ITGA8: variants seen among roughly 807,000 people sequenced by gnomAD.
ITGA8 encodes the protein integrin alpha-8.
A neutral mutation model predicts 142.3 loss-of-function variants in ITGA8; 91 were observed. That is an observed-to-expected ratio of 0.64 (90% confidence interval 0.54 to 0.76). ITGA8 has a LOEUF of 0.76. ITGA8 is among the 30% of genes least tolerant of loss of function. The pLI is 0.00. For missense variants in ITGA8, 1,406 were observed against 1,327.7 expected (o/e 1.06, Z -0.92); for synonymous variants, 505 against 485.2 (o/e 1.04, Z -0.54).
At position 15,655,355 on chromosome 10, in the gene ITGA8, C is replaced by T. The variant is rs761598355; in HGVS notation, c.1000G>A (p.Gly334Arg). ...TATGAGAGAGGTCTATAAACTTACC[C>T]ATCACTGTTAACATCTGATACGACA... ...TVVVSDVNSDGLDDVLVGAPL... is the reference protein window; with the variant it reads ...TVVVSDVNSDRLDDVLVGAPL... Residue 334 changes from glycine (G) to arginine (R), a missense_variant and splice_region_variant, in exon 11 of 30, where the codon GGA (glycine) becomes AGA (arginine). By Grantham distance (125) the Gly-to-Arg change is moderately radical. Transcript: ENST00000378076. 6.3e-7 allele frequency: 1 copy of T among 1,587,420 alleles called. No homozygotes were observed.
chr10:15,700,575 A>C (rs1835143765), intron 2 of ITGA8, among the ~76,000 whole-genome samples: 1 of 152,220 alleles, frequency 6.6e-6, no homozygotes, highest in Non-Finnish European at 1.5e-5. Flanking sequence ...CTGGGACTTA[A>C]TTAAACTGAA....
chr10:15,693,766 C>T (rs1228777263), intron 2 of ITGA8, among the ~76,000 whole-genome samples: 1 of 152,114 alleles, frequency 6.6e-6, no homozygotes, highest in Non-Finnish European at 1.5e-5. Flanking sequence ...CACAGGTGGT[C>T]ATAAAGTCAC....
At chr10:15,537,956 A>C (rs1403286218) in intron 27 of ITGA8, among the ~76,000 whole-genome samples, 1 of 145,232 alleles carries the variant, frequency 6.9e-6, no homozygotes, top group Non-Finnish European at 1.5e-5. Flanking sequence ...CATCTCTACA[A>C]AAAACAAAAC....
intron 8 of ITGA8, among the ~76,000 whole-genome samples, chr10:15,665,460 T>G (rs1249434358): frequency 6.6e-5 from 10 of 152,126 alleles, no homozygotes; most frequent in African/African-American, 1.7e-4. Context: ...TTCCCATTTT[T>G]TAGGTTGCCT....
rs562471396 is a variant in ITGA8, at chr10:15,661,817, G to C, written c.848-895C>G. On this transcript the variant is annotated intron_variant, in intron 8 of 29. Transcript: ENST00000378076. ...AGCATGCTCTTGAATCATAAAACAG[G>C]GTTCAGAAAAACTAAGCAATCTGGA... Among the ~76,000 whole-genome samples, 87 of 152,244 alleles carry C rather than the reference G, an allele frequency of 5.7e-4. 1 individual carries two copies. Among genetic ancestry groups the C allele is most frequent in the Admixed American group, 5.6e-3 (86 of 15,292 alleles).
chr10:15,594,639 G>A (rs556884530), intron 21 of ITGA8, among the ~76,000 whole-genome samples: 1 of 152,218 alleles, frequency 6.6e-6, no homozygotes, highest in Non-Finnish European at 1.5e-5. Context: ...AAAACTAGCT[G>A]AGTGTGGTGG....
intron 23 of ITGA8, among the ~76,000 whole-genome samples, chr10:15,584,601 T>C (rs749327757): frequency 6.6e-6 from 1 of 152,242 alleles, no homozygotes; most frequent in Non-Finnish European, 1.5e-5. Context: ...TAAAGTTAAA[T>C]AGAGCATACT....
chr10:15,605,662 C>A, intron 19 of ITGA8, 62 bp downstream of exon 19: 1 of 1,358,774 alleles, frequency 7.4e-7, no homozygotes, highest in Non-Finnish European at 1.1e-6. Context: ...TCCAGAGAAC[C>A]TTTACATAAA....
intron 25 of ITGA8, among the ~76,000 whole-genome samples, chr10:15,562,853 G>A (rs1033664506): frequency 6.6e-6 from 1 of 152,178 alleles, no homozygotes; most frequent in Non-Finnish European, 1.5e-5. Flanking sequence ...CGAGGATGCT[G>A]TTATGGTTTG....
rs1287796524 is a variant in ITGA8 at position 15,613,701 on chromosome 10, A to G, written c.1512T>C (p.Asn504=). 1.2e-6 allele frequency: 2 copies of G among 1,614,116 alleles called. No homozygotes were observed. Among genetic ancestry groups the G allele is most frequent in the Admixed American group, 3.3e-5 (2 of 60,030 alleles). ...LLHPMIINLE[N]KTCQVPDSMT... ...TAGAGTCTGGAACCTGGCAAGTTTT[A>G]TTTTCAAGATTGATAATCATTGGGT... is the stretch of plus-strand genomic sequence containing the variant. Residue 504 remains asparagine (N), a synonymous_variant, in exon 15 of 30, where the codon AAT becomes AAC. Transcript: ENST00000378076.
At chr10:15,602,881 G>T (rs1252792399) in intron 20 of ITGA8, among the ~76,000 whole-genome samples, 5 of 151,650 alleles carry the variant, frequency 3.3e-5, no homozygotes, top group Non-Finnish European at 5.9e-5. Flanking sequence ...GAAAAGAAAT[G>T]GAATTATTTT....
At chr10:15,560,099 A>G (rs1833948218) in intron 25 of ITGA8, among the ~76,000 whole-genome samples, 1 of 152,234 alleles carries the variant, frequency 6.6e-6, no homozygotes, top group East Asian at 1.9e-4. Context: ...ACTGGGCAAC[A>G]TAGTGATACC....
chr10:15,620,630 G>T (rs1278718022), intron 13 of ITGA8, among the ~76,000 whole-genome samples: 3 of 152,216 alleles, frequency 2.0e-5, no homozygotes, highest in Non-Finnish European at 2.9e-5. Context: ...GAATATGCCT[G>T]CTAGAAAGAG....
intron 28 of ITGA8, among the ~76,000 whole-genome samples, chr10:15,527,887 C>A (rs967636429): frequency 3.5e-5 from 5 of 143,034 alleles, no homozygotes; most frequent in East Asian, 2.0e-4. Context: ...CACCTTAAAG[C>A]AATTCCCTTT....
At chr10:15,697,895 T>C (rs1835087004) in intron 2 of ITGA8, among the ~76,000 whole-genome samples, 1 of 152,208 alleles carries the variant, frequency 6.6e-6, no homozygotes, top group African/African-American at 2.4e-5. Context: ...AATGGTATTA[T>C]ATTTTCTTCT....
chr10:15,619,279 A>G (rs999424461), intron 13 of ITGA8, among the ~76,000 whole-genome samples: 1 of 152,256 alleles, frequency 6.6e-6, no homozygotes, highest in South Asian at 2.1e-4. Flanking sequence ...CTAAGACACA[A>G]TAATACTTGT....
intron 25 of ITGA8, among the ~76,000 whole-genome samples, chr10:15,563,100 C>T (rs1834012853): frequency 6.8e-6 from 1 of 147,294 alleles, no homozygotes; most frequent in Admixed American, 6.7e-5. Context: ...TGTGAAGTGC[C>T]TGCTCCCCAC....
At chr10:15,633,312 A>G (rs574715742) in intron 13 of ITGA8, among the ~76,000 whole-genome samples, 1 of 152,238 alleles carries the variant, frequency 6.6e-6, no homozygotes, top group Non-Finnish European at 1.5e-5. Flanking sequence ...TGATCAAAAA[A>G]ATAAAGAAGG....
chr10:15,714,032 C>T (rs1835407360), intron 2 of ITGA8, among the ~76,000 whole-genome samples: 1 of 152,126 alleles, frequency 6.6e-6, no homozygotes, highest in Non-Finnish European at 1.5e-5. Context: ...GACTGGTTCC[C>T]AGCTGTATTG....
Sources: allele counts gnomAD v4.1 joint callset (sites outside exome capture counted in the v4.1 genomes callset), GRCh38; gene constraint gnomAD v4.1.1; transcripts MANE v1.5; gene names NCBI Gene and HGNC (gene_info 2026-07-23, HGNC 2026-07-21).